The following ENOX1 variants were observed in gnomAD, a reference collection of about 807,000 sequenced individuals.
ENOX1 encodes ecto-NOX disulfide-thiol exchanger 1, also known as candidate growth-related and time keeping constitutive hydroquinone (NADH) oxidase.
In ENOX1, 42 loss-of-function variants were observed where a neutral mutation model predicts 82.5. The observed-to-expected ratio is 0.51, with a 90% CI of 0.40 to 0.66. The LOEUF is 0.66. ENOX1 is among the 30% of genes least tolerant of loss of function. The pLI is 0.00. For synonymous variants in ENOX1, 271 were observed against 282.2 expected, an observed-to-expected ratio of 0.96 and a Z score of 0.40; for missense variants, 608 against 811.6, an observed-to-expected ratio of 0.75 and a Z score of 3.05.
rs745632218 is a variant in ENOX1 at position 43,269,395 on chromosome 13, C to T, written c.1554+75G>A. On this transcript the variant is annotated intron_variant, in intron 13 of 16. Coordinates refer to ENST00000690772, the MANE Select transcript of ENOX1 (RefSeq NM_001347969.2). ...AGATTACTTTCAGTAAATGTTTGCA[C>T]GGGTGACGCACAAGGGAGGTATGCA... 3.6e-4 allele frequency: 405 copies of T among 1,127,162 alleles called. 1 individual carries two copies. Among genetic ancestry groups the T allele is most frequent in the Admixed American group, 6.1e-4 (35 of 57,430 alleles). The allele number at this position is 1,127,162 out of a possible 1,614,324, so 69.8% of individuals were successfully genotyped here.
At chr13:43,247,850 TATATATATATATATATATATA>T (rs1566328739) in intron 14 of ENOX1, among the ~76,000 whole-genome samples, 127 of 2,190 alleles carry the variant, frequency 0.058, 4 homozygotes, top group African/African-American at 0.076. Flanking sequence ...TATATATATA[TATATATATATATATATATATA>T]TATATATATA....
chr13:43,260,916 G>A (rs114686829), intron 14 of ENOX1, among the ~76,000 whole-genome samples: 3 of 152,172 alleles, frequency 2.0e-5, no homozygotes, highest in Admixed American at 6.5e-5. Flanking sequence ...CCTATCTGTC[G>A]TTAATATATC....
intron 10 of ENOX1, among the ~76,000 whole-genome samples, chr13:43,324,749 G>C (rs558124753): frequency 3.5e-5 from 5 of 142,282 alleles, no homozygotes; most frequent in African/African-American, 7.4e-5. Flanking sequence ...AAGCAAGCAG[G>C]CTCCTTAGAC....
intron 1 of ENOX1, among the ~76,000 whole-genome samples, chr13:43,727,051 A>G (rs111648690): frequency 0.029 from 4,383 of 152,176 alleles, 121 homozygotes; most frequent in South Asian, 0.059. Flanking sequence ...TCAAATCCAA[A>G]GTGATGCACC....
Position 43,361,332 on chromosome 13 carries a change from A to G in ENOX1, c.329T>C (p.Val110Ala). Residue 110 changes from valine (V) to alanine (A), a missense_variant, in exon 6 of 17, where the codon GTT becomes GCT. By Grantham distance (64) the Val-to-Ala change is moderately conservative. Transcript: ENST00000690772. ...TTTGCAGTGGATTATTTCTTTGACA[A>G]CAGCCACTTCTGTTGGTGGTGGGGG... ...VPPPPPTEVA[V>A]VKEIIHCKSC... is the part of the protein sequence containing the mutation. 2 of 1,613,808 alleles carry G rather than the reference A, an allele frequency of 1.2e-6. No individual in the cohort carries two copies. The highest frequency in any genetic ancestry group is 2.7e-5 in the African/African-American group (2 of 75,056).
chr13:43,295,590 T>A (rs2046242865), intron 12 of ENOX1, among the ~76,000 whole-genome samples: 1 of 152,218 alleles, frequency 6.6e-6, no homozygotes, highest in Non-Finnish European at 1.5e-5. Context: ...TCTTTCTTTT[T>A]TTGTTGTTTG....
chr13:43,719,094 C>T (rs1370884461), intron 1 of ENOX1, among the ~76,000 whole-genome samples: 1 of 152,144 alleles, frequency 6.6e-6, no homozygotes, highest in Non-Finnish European at 1.5e-5. Context: ...CCAAGCTGAT[C>T]TAGATGTAAG....
intron 5 of ENOX1, among the ~76,000 whole-genome samples, chr13:43,380,062 A>G (rs976768418): frequency 4.6e-5 from 7 of 151,910 alleles, no homozygotes; most frequent in Admixed American, 2.0e-4. Context: ...TTCTTTACCC[A>G]GTAAAAATAC....
chr13:43,498,826 A>G (rs146586960), intron 2 of ENOX1, among the ~76,000 whole-genome samples: 1 of 152,186 alleles, frequency 6.6e-6, no homozygotes, highest in East Asian at 1.9e-4. Context: ...TGTGTCTACA[A>G]TTCTTTTATA....
chr13:43,337,806 C>T (rs1436975347), intron 9 of ENOX1, among the ~76,000 whole-genome samples: 3 of 152,068 alleles, frequency 2.0e-5, no homozygotes, highest in African/African-American at 7.2e-5. Context: ...AGTCTTGGTT[C>T]TAAACTGCCC....
intron 15 of ENOX1, among the ~76,000 whole-genome samples, chr13:43,234,644 TTTTC>T (rs1242982525): frequency 1.3e-5 from 2 of 152,186 alleles, no homozygotes; most frequent in Non-Finnish European, 1.5e-5. Flanking sequence ...TGACTAATAT[TTTTC>T]TTTCTAACAC....
chr13:43,491,437 G>C (rs1296773175), intron 2 of ENOX1, among the ~76,000 whole-genome samples: 1 of 152,028 alleles, frequency 6.6e-6, no homozygotes, highest in Non-Finnish European at 1.5e-5. Flanking sequence ...GCCCAAAATG[G>C]GTCATCCTCA....
intron 3 of ENOX1, among the ~76,000 whole-genome samples, chr13:43,445,454 T>TA (rs1555278247): frequency 1.3e-5 from 2 of 152,034 alleles, no homozygotes; most frequent in Non-Finnish European, 2.9e-5. Flanking sequence ...TTCTTTTTTT[T>TA]AAAAAAGCCA....
At chr13:43,299,061 T>C (rs1191645022) in intron 11 of ENOX1, among the ~76,000 whole-genome samples, 1 of 152,276 alleles carries the variant, frequency 6.6e-6, no homozygotes, top group Non-Finnish European at 1.5e-5. Flanking sequence ...TTGCACAGAT[T>C]GTTTTCCTCC....
intron 1 of ENOX1, among the ~76,000 whole-genome samples, chr13:43,693,856 T>C (rs1426197919): frequency 1.3e-5 from 2 of 152,218 alleles, no homozygotes; most frequent in Non-Finnish European, 2.9e-5. Context: ...GACTAAGCTT[T>C]AAATTCATTT....
At chr13:43,215,122 A>G (rs1255882018) in intron 16 of ENOX1, among the ~76,000 whole-genome samples, 1 of 152,242 alleles carries the variant, frequency 6.6e-6, no homozygotes, top group African/African-American at 2.4e-5. Flanking sequence ...TAATCACTGT[A>G]GAGATATCAT....
chr13:43,275,732 G>T (rs1367341385), intron 12 of ENOX1, among the ~76,000 whole-genome samples: 1 of 152,200 alleles, frequency 6.6e-6, no homozygotes, highest in Non-Finnish European at 1.5e-5. Flanking sequence ...CTGTGTGCAT[G>T]GTACTGGGCT....
At chr13:43,754,950 T>C (rs1281149949) in intron 1 of ENOX1, among the ~76,000 whole-genome samples, 2 of 152,120 alleles carry the variant, frequency 1.3e-5, no homozygotes, top group Non-Finnish European at 2.9e-5. Context: ...TGATCCTGCA[T>C]CTGTAAATAA....
intron 2 of ENOX1, among the ~76,000 whole-genome samples, chr13:43,596,565 G>A (rs531602118): frequency 2.4e-4 from 37 of 152,288 alleles, no homozygotes; most frequent in African/African-American, 8.7e-4. Context: ...AGTCTTAATG[G>A]AAATGGTGAA....
Sources: allele counts gnomAD v4.1 joint callset (sites outside exome capture counted in the v4.1 genomes callset), GRCh38; gene constraint gnomAD v4.1.1; transcripts MANE v1.5; gene names NCBI Gene and HGNC (gene_info 2026-07-23, HGNC 2026-07-21).